The following GPC6 variants were observed in gnomAD, a reference collection of about 807,000 sequenced individuals.
GPC6 encodes glypican-6.
A neutral mutation model predicts 55.2 loss-of-function variants in GPC6; 14 were observed. That is an observed-to-expected ratio of 0.25 (90% CI 0.17 to 0.40). The LOEUF (loss-of-function observed/expected upper bound fraction) is 0.40, where lower values mean the gene tolerates loss of function less well. GPC6 is among the 10% of genes least tolerant of loss of function. The pLI is 1.00. For synonymous variants in GPC6, 278 were observed against 259.6 expected (o/e 1.07, Z -0.68); for missense variants, 641 against 708.5 (o/e 0.90, Z 1.08).
chr13:94,296,898 A>G (rs2139099595), intron 5 of GPC6, among the ~76,000 whole-genome samples: 1 of 152,324 alleles, frequency 6.6e-6, no homozygotes, highest in South Asian at 2.1e-4. Flanking sequence ...TAGTATAATT[A>G]TTAACTTTGT....
At chr13:94,151,457 G>C (rs1251833527) in intron 4 of GPC6, among the ~76,000 whole-genome samples, 1 of 152,102 alleles carries the variant, frequency 6.6e-6, no homozygotes, top group African/African-American at 2.4e-5. Context: ...GGCTTCTCTT[G>C]TAAGTGAGCA....
At chr13:93,890,138 G>T (rs1231741142) in intron 3 of GPC6, among the ~76,000 whole-genome samples, 1 of 152,130 alleles carries the variant, frequency 6.6e-6, no homozygotes, top group Non-Finnish European at 1.5e-5. Context: ...GAAGATTCCA[G>T]AGGCTGTGTC....
intron 2 of GPC6, among the ~76,000 whole-genome samples, chr13:93,797,833 G>C (rs1217337538): frequency 6.6e-6 from 1 of 152,164 alleles, no homozygotes. Flanking sequence ...TCACAGCAGA[G>C]TGACTGTTTC....
chr13:94,399,091 TTACTC>T (rs1385977540), intron 8 of GPC6, among the ~76,000 whole-genome samples: 3 of 152,194 alleles, frequency 2.0e-5, no homozygotes, highest in African/African-American at 7.2e-5. Flanking sequence ...TCTCTACAAA[TTACTC>T]TACTTCTTGA....
At chr13:93,305,068 G>A (rs550727957) in intron 1 of GPC6, among the ~76,000 whole-genome samples, 2 of 152,076 alleles carry the variant, frequency 1.3e-5, no homozygotes, top group Non-Finnish European at 2.9e-5. Flanking sequence ...GATGGTATCA[G>A]GATTCAGCTA....
chr13:93,765,225 A>G (rs1885078845), intron 2 of GPC6, among the ~76,000 whole-genome samples: 3 of 152,224 alleles, frequency 2.0e-5, no homozygotes, highest in Middle Eastern at 3.2e-3. Context: ...TTATGAAAAA[A>G]GATAAATTGT....
At chr13:93,389,562 TTATA>T (rs1875536959) in intron 1 of GPC6, among the ~76,000 whole-genome samples, 1 of 148,454 alleles carries the variant, frequency 6.7e-6, no homozygotes, top group African/African-American at 2.4e-5. Context: ...ATGGTACCAT[TTATA>T]TGTATGTATG....
chr13:93,532,541 A>T (rs2139415186), intron 1 of GPC6, among the ~76,000 whole-genome samples: 1 of 152,298 alleles, frequency 6.6e-6, no homozygotes, highest in Middle Eastern at 3.4e-3. Context: ...CCAAGGTTAG[A>T]TGTGAGAAAA....
At chr13:94,161,344 T>G (rs16949523) in intron 4 of GPC6, among the ~76,000 whole-genome samples, 29,257 of 152,146 alleles carry the variant, frequency 0.19, 3,033 homozygotes, top group South Asian at 0.29. Context: ...AGTTTATTTC[T>G]GATCTTTGTG....
At chr13:94,169,736 C>A (rs781703347) in intron 4 of GPC6, among the ~76,000 whole-genome samples, 2 of 151,892 alleles carry the variant, frequency 1.3e-5, no homozygotes, top group Non-Finnish European at 2.9e-5. Context: ...GGCTAAGGGT[C>A]CTGGTTTTTG....
intron 6 of GPC6, among the ~76,000 whole-genome samples, chr13:94,358,727 G>A (rs1252558690): frequency 6.6e-6 from 1 of 152,110 alleles, no homozygotes; most frequent in Admixed American, 6.5e-5. Flanking sequence ...GTGACCCCAG[G>A]ACCACCTATG....
chr13:93,801,996 T>C (rs1886387204), intron 2 of GPC6, among the ~76,000 whole-genome samples: 1 of 152,330 alleles, frequency 6.6e-6, no homozygotes, highest in South Asian at 2.1e-4. Flanking sequence ...TGTTTCTCTT[T>C]TAATTGTTTC....
At position 93,227,409 on chromosome 13, in the gene GPC6, G is replaced by A. The variant is rs749790072; in HGVS notation, c.-48G>A. On this transcript the variant is annotated 5_prime_UTR_variant, in exon 1 of 9. Coordinates refer to ENST00000377047, the MANE Select transcript of GPC6 (RefSeq NM_005708.5). This position sits in a 1 kb window ranked among gnomAD's most constrained non-coding sequence, Gnocchi z 4.3. ...CTTTCGGCTTGAGGGGCAAGGTGAA[G>A]AGCGCACCGGCCGTGGGGTTTACCG... 3.7e-6 allele frequency: 6 copies of A among 1,601,728 alleles called. No individual in the cohort carries two copies. The highest frequency in any genetic ancestry group is 1.3e-5 in the African/African-American group (1 of 74,688).
chr13:93,712,120 G>A (rs1883088614), intron 2 of GPC6, among the ~76,000 whole-genome samples: 1 of 151,720 alleles, frequency 6.6e-6, no homozygotes, highest in South Asian at 2.1e-4. Flanking sequence ...AGGAAACCAT[G>A]TCTCACAATA....
intron 1 of GPC6, among the ~76,000 whole-genome samples, chr13:93,265,556 C>G (rs899369562): frequency 6.6e-6 from 1 of 152,128 alleles, no homozygotes; most frequent in African/African-American, 2.4e-5. Context: ...CATGTTTAGA[C>G]TTGTGTCCCA....
At chr13:93,931,194 C>CATCTATGAGGTAAA (rs1878152182) in intron 3 of GPC6, among the ~76,000 whole-genome samples, 1 of 152,018 alleles carries the variant, frequency 6.6e-6, no homozygotes, top group African/African-American at 2.4e-5. Flanking sequence ...GTATAATAAC[C>CATCTATGAGGTAAA]ATCTATGAGG....
intron 1 of GPC6, among the ~76,000 whole-genome samples, chr13:93,449,529 A>G (rs868727326): frequency 6.6e-6 from 1 of 152,198 alleles, no homozygotes; most frequent in African/African-American, 2.4e-5. Flanking sequence ...CCCTCTTTAA[A>G]TTAAAAAAGG....
At chr13:93,235,573 G>C (rs1367557656) in intron 1 of GPC6, among the ~76,000 whole-genome samples, 3 of 152,138 alleles carry the variant, frequency 2.0e-5, no homozygotes, top group African/African-American at 7.2e-5. Flanking sequence ...CAAGGTCTCA[G>C]AGGAGGATGA....
At chr13:93,910,108 T>A (rs1049377749) in intron 3 of GPC6, among the ~76,000 whole-genome samples, 44 of 152,210 alleles carry the variant, frequency 2.9e-4, no homozygotes, top group African/African-American at 1.0e-3. Flanking sequence ...ATGGTTTGGC[T>A]GTGTTCCCAC....
Sources: gnomAD v4.1 joint callset for allele counts (sites outside exome capture counted in the v4.1 genomes callset) on GRCh38, gnomAD v4.1.1 for gene constraint, Gnocchi (gnomAD v3.1) non-coding constraint, MANE v1.5 for transcripts, NCBI Gene and HGNC (gene_info 2026-07-23, HGNC 2026-07-21) for gene names.